The following CALN1 variants were observed in gnomAD, a reference collection of about 807,000 sequenced individuals.
CALN1 encodes the protein calcium-binding protein 8.
In CALN1, 17 loss-of-function variants were observed where a neutral mutation model predicts 30.6. That is an observed-to-expected ratio of 0.56 (90% CI 0.38 to 0.83). The LOEUF is 0.83. Ranked by LOEUF, CALN1 falls within the 40% of genes least tolerant of loss-of-function variation. The pLI is 0.00. For synonymous variants in CALN1, 156 were observed against 131.4 expected, an observed-to-expected ratio of 1.19 and a Z score of -1.28; for missense variants, 291 against 354.9, an observed-to-expected ratio of 0.82 and a Z score of 1.45.
intron 3 of CALN1, among the ~76,000 whole-genome samples, chr7:72,111,363 TC>T (rs1179868605): frequency 6.6e-6 from 1 of 152,134 alleles, no homozygotes; most frequent in Admixed American, 6.5e-5. Context: ...GAGCCCCTCC[TC>T]CCTAAAGGGA....
At chr7:72,377,973 GCCC>G (rs984172243) in intron 2 of CALN1, among the ~76,000 whole-genome samples, 2 of 149,778 alleles carry the variant, frequency 1.3e-5, no homozygotes, top group Admixed American at 6.7e-5. Context: ...CCCTCCCCCT[GCCC>G]CCATTTCCCC....
At chr7:72,477,753 T>C in the CALN1 span, among the ~76,000 whole-genome samples, 1 of 152,060 alleles carries the variant, frequency 6.6e-6, no homozygotes, top group East Asian at 1.9e-4. Context: ...AGAGACGAGG[T>C]CTCACTATGT....
chr7:72,415,831 G>A (rs577390088), upstream of CALN1, among the ~76,000 whole-genome samples: 28 of 152,266 alleles, frequency 1.8e-4, no homozygotes, highest in South Asian at 5.4e-3. Flanking sequence ...CGGTGACACC[G>A]CCTGCAGGTA....
At chr7:72,305,941 G>A (rs1342079545) in intron 2 of CALN1, among the ~76,000 whole-genome samples, 1 of 152,024 alleles carries the variant, frequency 6.6e-6, no homozygotes, top group Non-Finnish European at 1.5e-5. Context: ...ACTTATAAGG[G>A]CACTAAATTC....
intron 3 of CALN1, among the ~76,000 whole-genome samples, chr7:72,181,485 AC>A (rs1789800849): frequency 1.5e-5 from 1 of 67,508 alleles, no homozygotes; most frequent in Non-Finnish European, 2.5e-5. Context: ...GATTTCCATA[AC>A]TTTTTTTTTT....
rs77522567 is a variant in CALN1 at position 71,824,538 on chromosome 7, C to G, written c.502-14046G>C. On this transcript the variant is annotated intron_variant, in intron 5 of 6. Transcript: ENST00000395275. The stretch of plus-strand genomic sequence containing the variant: ...GCTGGCTGCCGGCTGCCTTGTGAGG[C>G]CTTTGCTCCATTTTTCGTCCCTGAC... Among the ~76,000 whole-genome samples, 53 of 152,218 alleles carry G rather than the reference C, an allele frequency of 3.5e-4. 2 individuals carry two copies. The East Asian group carries it at 0.01, about 29-fold the overall frequency.
intron 5 of CALN1, among the ~76,000 whole-genome samples, chr7:71,975,637 C>T (rs528110994): frequency 1.2e-3 from 182 of 151,896 alleles, no homozygotes; most frequent in African/African-American, 4.3e-3. Flanking sequence ...TGCTTTGTGA[C>T]CCAGGCTGGT....
At chr7:72,278,846 A>G (rs765987000) in intron 2 of CALN1, 36 bp from the exon 3 acceptor site, 1 of 1,584,724 alleles carries the variant, frequency 6.3e-7, no homozygotes, top group Non-Finnish European at 8.7e-7. Flanking sequence ...GAAAAGAAAG[A>G]CATCATCATT....
At chr7:72,374,945 A>T (rs890295849) in intron 2 of CALN1, among the ~76,000 whole-genome samples, 6 of 152,356 alleles carry the variant, frequency 3.9e-5, no homozygotes, top group African/African-American at 1.4e-4. Context: ...CGCTTTTTAC[A>T]TATAAATATG....
intron 3 of CALN1, among the ~76,000 whole-genome samples, chr7:72,185,844 C>G (rs533414647): frequency 1.3e-5 from 2 of 152,318 alleles, no homozygotes; most frequent in East Asian, 1.9e-4. Flanking sequence ...TGATTTGCTC[C>G]TCTTTGCCTT....
chr7:71,961,478 T>C (rs1174451904), intron 5 of CALN1, among the ~76,000 whole-genome samples: 1 of 152,190 alleles, frequency 6.6e-6, no homozygotes, highest in African/African-American at 2.4e-5. Flanking sequence ...TAATTACCAA[T>C]CTCTTTTCTG....
chr7:72,328,986 C>T (rs1253736241), intron 2 of CALN1, among the ~76,000 whole-genome samples: 1 of 152,258 alleles, frequency 6.6e-6, no homozygotes, highest in Non-Finnish European at 1.5e-5. Context: ...CGTAAGCCAA[C>T]GTGCCCAGCC....
At chr7:71,974,380 T>C (rs1478755503) in intron 5 of CALN1, among the ~76,000 whole-genome samples, 6 of 121,446 alleles carry the variant, frequency 4.9e-5, no homozygotes, top group Non-Finnish European at 9.4e-5. Flanking sequence ...ATCATGCCAC[T>C]GCACTCCAGC....
chr7:72,339,209 T>C (rs1408450816), intron 2 of CALN1, among the ~76,000 whole-genome samples: 1 of 152,214 alleles, frequency 6.6e-6, no homozygotes, highest in Non-Finnish European at 1.5e-5. Flanking sequence ...ATTTTCTTTA[T>C]TCATTTGTTG....
chr7:72,139,380 T>TCTCAGCCACGCCCACCCTCTTCTAAGCAC (rs377082667), intron 3 of CALN1, among the ~76,000 whole-genome samples: 9 of 144,030 alleles, frequency 6.2e-5, no homozygotes, highest in Non-Finnish European at 1.1e-4. Context: ...CTTCTACTCA[T>TCTCAGCCACGCCCACCCTCTTCTAAGCAC]CTCAGCCACG....
At chr7:72,475,917 T>C in the CALN1 span, among the ~76,000 whole-genome samples, 1 of 149,042 alleles carries the variant, frequency 6.7e-6, no homozygotes, top group South Asian at 2.1e-4. Flanking sequence ...CCCCTGAACA[T>C]GCTCTCTCTC....
intron 3 of CALN1, among the ~76,000 whole-genome samples, chr7:72,274,750 C>T (rs1438287896): frequency 2.0e-5 from 3 of 152,244 alleles, no homozygotes; most frequent in East Asian, 1.9e-4. Flanking sequence ...ATTTCCTCCT[C>T]CACCTAGTAA....
intron 4 of CALN1, among the ~76,000 whole-genome samples, chr7:72,058,678 C>T (rs1383312305): frequency 6.6e-6 from 1 of 151,974 alleles, no homozygotes; most frequent in African/African-American, 2.4e-5. Context: ...GGGCAGAGGG[C>T]CAAGGGGGCA....
chr7:72,483,960 C>T, the CALN1 span, among the ~76,000 whole-genome samples: 2 of 152,046 alleles, frequency 1.3e-5, no homozygotes, highest in Non-Finnish European at 2.9e-5. Context: ...GAGTCTCGCC[C>T]TGTTGCCCAG....
Sources: gnomAD v4.1 joint callset for allele counts (sites outside exome capture counted in the v4.1 genomes callset) on GRCh38, gnomAD v4.1.1 for gene constraint, MANE v1.5 for transcripts, NCBI Gene and HGNC (gene_info 2026-07-23, HGNC 2026-07-21) for gene names.